Variants in ZC3H13 observed in about 807,000 individuals in gnomAD.
ZC3H13 encodes zinc finger CCCH domain-containing protein 13.
ZC3H13 carries 64 observed loss-of-function variants against 204.1 expected under a neutral mutation model. That is an observed-to-expected ratio of 0.31 (90% confidence interval 0.26 to 0.39). The LOEUF (loss-of-function observed/expected upper bound fraction) is 0.39, where lower values mean the gene tolerates loss of function less well. ZC3H13 is among the 10% of genes least tolerant of loss of function. The probability of loss-of-function intolerance (pLI) is 1.00; values close to 1 mark genes in which losing one functional copy is unlikely to be tolerated. For synonymous variants in ZC3H13, 667 were observed against 693.7 expected, an observed-to-expected ratio of 0.96 and a Z score of 0.60; for missense variants, 1,833 against 2,082.7, an observed-to-expected ratio of 0.88 and a Z score of 2.33.
In ZC3H13 at chr13:45,975,475, T is replaced by C. The variant is rs1341105572; in HGVS notation, c.2276A>G (p.Glu759Gly). The C allele has an allele frequency of 8.7e-6, 14 of 1,613,600 alleles. No homozygotes were observed. Among genetic ancestry groups the C allele is most frequent in the African/African-American group, 1.3e-5 (1 of 74,910 alleles). The stretch of plus-strand genomic sequence containing the variant: ...CTCTCTCTCCCGTTCTCGCTCTCTC[T>C]CCCTCTCTCTCTCTTCTCTTTCTCG... ...REREREERERERERERERERE... is the reference protein window; with the variant it reads ...REREREERERGRERERERERE... Residue 759 changes from glutamate to glycine, a missense_variant, in exon 12 of 19, where the codon GAG becomes GGG. Physicochemically the swap from Glu to Gly is moderately conservative, Grantham distance 98. This residue lies in a region of ZC3H13 where 1,574 missense variants were observed against 1,757.2 expected (regional missense o/e 0.90). Transcript: ENST00000679008.
rs574311186 is a variant in ZC3H13 at position 46,006,880 on chromosome 13, G to A, written c.746+3468C>T. Among the ~76,000 whole-genome samples the A allele has an allele frequency of 5.3e-5, 8 of 150,998 alleles. No homozygotes were observed. In the South Asian group the frequency reaches 1.1e-3, roughly 20 times the overall value. Reference sequence around the variant, plus strand: ...AAGTAGGAAATTACTAAAATATGACGACTAAATCTAGTTTTCATCCTTGTC... The same window carrying A: ...AAGTAGGAAATTACTAAAATATGACAACTAAATCTAGTTTTCATCCTTGTC... On this transcript the variant is annotated intron_variant, in intron 7 of 18. Transcript: ENST00000679008.
At chr13:46,011,276 TGGA>T (rs944391664) in intron 6 of ZC3H13, 136 bp downstream of exon 6, 12 of 546,014 alleles carry the variant, frequency 2.2e-5, no homozygotes, top group African/African-American at 2.2e-4. Context: ...TGAATATATA[TGGA>T]GTAGTACATA....
At chr13:46,016,528 A>G (rs2041918463) in intron 5 of ZC3H13, among the ~76,000 whole-genome samples, 1 of 152,266 alleles carries the variant, frequency 6.6e-6, no homozygotes. Flanking sequence ...AACACACAAA[A>G]CTAATCAATG....
In ZC3H13 at chr13:45,988,921, T is replaced by C; in HGVS notation, c.1121A>G (p.Tyr374Cys). ...GGGAGACGACAAAGAATGTGAAGGATAAGGAGAGGCAGAGCGTCGTAAAGG... is the reference window on the plus strand; with the variant it reads ...GGGAGACGACAAAGAATGTGAAGGACAAGGAGAGGCAGAGCGTCGTAAAGG... ...TPPLRRSASPYPSHSLSSPQR... is the reference protein window; with the variant it reads ...TPPLRRSASPCPSHSLSSPQR... The change falls in exon 9 of 19, where the codon TAT becomes TGT. Residue 374 changes from tyrosine to cysteine, a missense_variant. Coordinates refer to ENST00000679008, the MANE Select transcript of ZC3H13 (RefSeq NM_001330564.2). 1 of 1,614,082 alleles carries C rather than the reference T, an allele frequency of 6.2e-7. No individual in the cohort carries two copies. Among genetic ancestry groups the C allele is most frequent in the Non-Finnish European group, 8.5e-7 (1 of 1,180,012 alleles).
chr13:45,980,312 C>T (rs1242773974), intron 10 of ZC3H13, among the ~76,000 whole-genome samples: 1 of 152,050 alleles, frequency 6.6e-6, no homozygotes, highest in Non-Finnish European at 1.5e-5. Context: ...ACTATTTCTT[C>T]ATATTTAATT....
chr13:46,034,779 T>C (rs906404214), intron 4 of ZC3H13, among the ~76,000 whole-genome samples: 1 of 151,858 alleles, frequency 6.6e-6, no homozygotes, highest in Non-Finnish European at 1.5e-5. Flanking sequence ...CAGGATCCAA[T>C]ACAAAGATCA....
At chr13:45,976,403 A>ACAGTT in intron 11 of ZC3H13, 1 of 277,464 alleles carries the variant, frequency 3.6e-6, no homozygotes, top group Non-Finnish European at 5.5e-6. Flanking sequence ...CTGCAATATA[A>ACAGTT]CATGAACTGT....
At chr13:46,035,210 C>T (rs181784323) in intron 4 of ZC3H13, among the ~76,000 whole-genome samples, 5 of 152,282 alleles carry the variant, frequency 3.3e-5, no homozygotes, top group African/African-American at 1.2e-4. Flanking sequence ...CTCTAGCTGA[C>T]AGCCAGCATC....
At chr13:45,966,331 T>C (rs545520983) in intron 15 of ZC3H13, among the ~76,000 whole-genome samples, 3 of 152,306 alleles carry the variant, frequency 2.0e-5, no homozygotes, top group South Asian at 2.1e-4. Context: ...TGATTTTCCA[T>C]GTTATTAAAT....
chr13:46,047,107 T>C (rs2044023126), intron 1 of ZC3H13, among the ~76,000 whole-genome samples: 1 of 152,128 alleles, frequency 6.6e-6, no homozygotes, highest in Non-Finnish European at 1.5e-5. Flanking sequence ...TAGTACCTAA[T>C]TGAAACAGCA....
intron 16 of ZC3H13, among the ~76,000 whole-genome samples, 168 bp from the exon 17 acceptor site, chr13:45,964,210 C>G (rs190597770): frequency 5.9e-5 from 9 of 152,354 alleles, no homozygotes; most frequent in African/African-American, 2.2e-4. Flanking sequence ...TACTCAGAAT[C>G]TAAGGACTCT....
chr13:46,040,167 C>T (rs2043476775), intron 4 of ZC3H13, among the ~76,000 whole-genome samples: 3 of 152,164 alleles, frequency 2.0e-5, no homozygotes, highest in Admixed American at 6.5e-5. Context: ...GACTGTATCA[C>T]TGTATAACAT....
chr13:46,005,881 G>A (rs1038256691), intron 7 of ZC3H13, among the ~76,000 whole-genome samples: 4 of 151,958 alleles, frequency 2.6e-5, no homozygotes, highest in Non-Finnish European at 5.9e-5. Context: ...ATCGTGAGGC[G>A]GTCAGGAGTT....
chr13:45,985,954 C>A (rs527372464), intron 9 of ZC3H13, among the ~76,000 whole-genome samples, 193 bp from the exon 10 acceptor site: 1 of 152,294 alleles, frequency 6.6e-6, no homozygotes, highest in South Asian at 2.1e-4. Context: ...AAACTCCGAA[C>A]ATGAATTTCC....
chr13:45,991,543 C>T (rs1216114604), intron 8 of ZC3H13, among the ~76,000 whole-genome samples: 2 of 152,110 alleles, frequency 1.3e-5, no homozygotes, highest in African/African-American at 4.8e-5. Context: ...TGGCTATAGA[C>T]TATTACAGAG....
chr13:46,006,156 C>T (rs1174543843), intron 7 of ZC3H13, among the ~76,000 whole-genome samples: 6 of 151,900 alleles, frequency 3.9e-5, no homozygotes, highest in African/African-American at 1.2e-4. Context: ...ATCTTGTAGC[C>T]CCCACCAAGG....
At chr13:45,999,025 T>C (rs1029437765) in intron 8 of ZC3H13, among the ~76,000 whole-genome samples, 8 of 152,028 alleles carry the variant, frequency 5.3e-5, no homozygotes, top group African/African-American at 1.9e-4. Flanking sequence ...ATTACTTGAG[T>C]CCAGGAGTTC....
At chr13:45,958,300 C>T (rs1029472814) in intron 18 of ZC3H13, among the ~76,000 whole-genome samples, 4 of 152,120 alleles carry the variant, frequency 2.6e-5, no homozygotes, top group African/African-American at 7.2e-5. Flanking sequence ...ATTCTGTTTT[C>T]CTAACTGCCC....
chr13:45,985,817 T>G, intron 9 of ZC3H13, 56 bp from the exon 10 acceptor site: 2 of 1,440,882 alleles, frequency 1.4e-6, no homozygotes, highest in South Asian at 2.7e-5. Context: ...TTCAGGAAAC[T>G]AGAAAACATA....
Sources: allele counts gnomAD v4.1 joint callset (sites outside exome capture counted in the v4.1 genomes callset), GRCh38; gene constraint gnomAD v4.1.1; regional missense constraint gnomAD v4.1.1; transcripts MANE v1.5; gene names NCBI Gene and HGNC (gene_info 2026-07-23, HGNC 2026-07-21).